Variants in SCHIP1 observed in about 807,000 individuals in gnomAD.
SCHIP1 encodes the protein schwannomin interacting protein 1.
In SCHIP1, 8 loss-of-function variants were observed where a neutral mutation model predicts 29.7. That is an observed-to-expected ratio of 0.27 (90% CI 0.16 to 0.49). SCHIP1 has a LOEUF of 0.49. Among genes scored for constraint, SCHIP1 ranks in the 20% least tolerant of loss-of-function variants. The pLI, the probability that SCHIP1 is intolerant of heterozygous loss-of-function variation, is 0.99. For missense variants in SCHIP1, 193 were observed against 294.6 expected, an observed-to-expected ratio of 0.66 and a Z score of 2.52; for synonymous variants, 76 against 94.9, an observed-to-expected ratio of 0.80 and a Z score of 1.16.
chr3:159,483,377 A>G, the SCHIP1 span, among the ~76,000 whole-genome samples: 2 of 152,192 alleles, frequency 1.3e-5, no homozygotes, highest in Non-Finnish European at 2.9e-5. Flanking sequence ...TGTCTGTCCA[A>G]TAGTATAGAT....
chr3:159,720,977 TA>T, the SCHIP1 span, among the ~76,000 whole-genome samples: 12 of 152,332 alleles, frequency 7.9e-5, no homozygotes, highest in African/African-American at 2.9e-4. Context: ...CTAAAAGTGA[TA>T]AAAATATATA....
intron 2 of SCHIP1, 100 bp downstream of exon 3, chr3:159,866,381 T>C: frequency 8.4e-7 from 1 of 1,189,520 alleles, no homozygotes; most frequent in East Asian, 2.5e-5. Context: ...TGTAGTTTTT[T>C]TTTCCCCCTC....
the SCHIP1 span, among the ~76,000 whole-genome samples, chr3:159,703,165 C>A: frequency 6.6e-6 from 1 of 152,146 alleles, no homozygotes; most frequent in Non-Finnish European, 1.5e-5. Context: ...TAGACTGAAG[C>A]AGGTAAGAAG....
the SCHIP1 span, among the ~76,000 whole-genome samples, chr3:159,814,907 G>A: frequency 6.6e-6 from 1 of 152,194 alleles, no homozygotes; most frequent in South Asian, 2.1e-4. Context: ...TGCGACAGGA[G>A]GATTTCATGG....
chr3:159,695,175 C>T, the SCHIP1 span, among the ~76,000 whole-genome samples: 8 of 152,310 alleles, frequency 5.3e-5, no homozygotes, highest in East Asian at 1.5e-3. Context: ...GACCCTGTAA[C>T]TAAACACCTT....
At chr3:159,404,462 C>T in the SCHIP1 span, among the ~76,000 whole-genome samples, 3 of 152,036 alleles carry the variant, frequency 2.0e-5, no homozygotes, top group Non-Finnish European at 2.9e-5. Flanking sequence ...ACTGAAGAGC[C>T]CTGGGACCTT....
At chr3:159,528,708 G>A in the SCHIP1 span, among the ~76,000 whole-genome samples, 2 of 152,178 alleles carry the variant, frequency 1.3e-5, no homozygotes, top group African/African-American at 4.8e-5. Flanking sequence ...CAAGCACAAG[G>A]GTTTGGGCAG....
At chr3:159,883,858 T>C (rs1366535864) in intron 2 of SCHIP1, among the ~76,000 whole-genome samples, 1 of 152,192 alleles carries the variant, frequency 6.6e-6, no homozygotes, top group East Asian at 1.9e-4. Context: ...AACTTTTTTT[T>C]TTCTTTCCTT....
At chr3:159,735,231 CT>C in the SCHIP1 span, among the ~76,000 whole-genome samples, 2,820 of 144,074 alleles carry the variant, frequency 0.02, 101 homozygotes, top group African/African-American at 0.063. Flanking sequence ...CCAATTGCTA[CT>C]TTTTTTTTTT....
chr3:159,664,117 A>G, the SCHIP1 span, among the ~76,000 whole-genome samples: 1 of 152,210 alleles, frequency 6.6e-6, no homozygotes, highest in African/African-American at 2.4e-5. Flanking sequence ...GTCATAAGGC[A>G]TTAACTGACG....
At chr3:159,351,569 T>G in the SCHIP1 span, among the ~76,000 whole-genome samples, 1 of 151,614 alleles carries the variant, frequency 6.6e-6, no homozygotes, top group East Asian at 1.9e-4. Context: ...TATTTAAAAT[T>G]TTTATCTTAT....
the SCHIP1 span, among the ~76,000 whole-genome samples, chr3:159,509,752 T>G: frequency 6.6e-6 from 1 of 152,344 alleles, no homozygotes; most frequent in African/African-American, 2.4e-5. Flanking sequence ...GATATGAAAT[T>G]CTGGGTTGAA....
At chr3:159,522,668 A>G in the SCHIP1 span, among the ~76,000 whole-genome samples, 1 of 152,170 alleles carries the variant, frequency 6.6e-6, no homozygotes, top group Non-Finnish European at 1.5e-5. Context: ...CAAGAGATTG[A>G]GACCATCCTG....
At chr3:159,392,603 A>G in the SCHIP1 span, among the ~76,000 whole-genome samples, 2 of 151,700 alleles carry the variant, frequency 1.3e-5, no homozygotes, top group Non-Finnish European at 2.9e-5. Flanking sequence ...GAGAATGATG[A>G]TTTCCAATTT....
chr3:159,608,470 C>T, the SCHIP1 span, among the ~76,000 whole-genome samples: 5 of 152,216 alleles, frequency 3.3e-5, no homozygotes, highest in South Asian at 2.1e-4. Flanking sequence ...CAACACTGTC[C>T]GTCTGTTCCC....
the SCHIP1 span, among the ~76,000 whole-genome samples, chr3:159,413,498 C>G: frequency 6.6e-6 from 1 of 152,168 alleles, no homozygotes; most frequent in African/African-American, 2.4e-5. Flanking sequence ...ACAAATATTT[C>G]TTGAGGGCCC....
the SCHIP1 span, among the ~76,000 whole-genome samples, chr3:159,431,338 T>G: frequency 7.1e-5 from 10 of 141,560 alleles, no homozygotes; most frequent in Admixed American, 1.4e-4. Flanking sequence ...TATGAGGGAG[T>G]AGAGGTAGCT....
chr3:159,720,347 CACA>C, the SCHIP1 span, among the ~76,000 whole-genome samples: 3 of 151,812 alleles, frequency 2.0e-5, no homozygotes, highest in Non-Finnish European at 4.4e-5. Context: ...AACAAACCTG[CACA>C]TTGTGCACAT....
the SCHIP1 span, among the ~76,000 whole-genome samples, chr3:159,534,836 G>C: frequency 2.0e-5 from 3 of 152,102 alleles, no homozygotes; most frequent in African/African-American, 7.2e-5. Context: ...GGGATATGAA[G>C]AAAATGTAAT....
Sources: gnomAD v4.1 joint callset for allele counts (sites outside exome capture counted in the v4.1 genomes callset) on GRCh38, gnomAD v4.1.1 for gene constraint, MANE v1.5 for transcripts, NCBI Gene and HGNC (gene_info 2026-07-23, HGNC 2026-07-21) for gene names.